RPA3: variants seen among roughly 807,000 people sequenced by gnomAD.
RPA3 encodes the protein replication protein A 14 kDa subunit.
A neutral mutation model predicts 13.7 loss-of-function variants in RPA3; 24 were observed. The observed-to-expected ratio is 1.75, with a 90% CI of 1.27 to 2.46. RPA3 has a LOEUF of 2.46. RPA3 is among the 30% of genes most tolerant of loss of function. RPA3 has a pLI of 0.00. For synonymous variants in RPA3, 59 were observed against 51.2 expected (o/e 1.15, Z -0.65); for missense variants, 183 against 151.0 (o/e 1.21, Z -1.11).
At chr7:7,707,875 A>G (rs965110493) in intron 2 of RPA3, among the ~76,000 whole-genome samples, 9 of 152,216 alleles carry the variant, frequency 5.9e-5, no homozygotes, top group African/African-American at 2.2e-4. Context: ...TGTGAGCTGT[A>G]AAACCCAAAC....
chr7:7,715,899 C>G (rs1390298536), intron 1 of RPA3, among the ~76,000 whole-genome samples: 1 of 152,174 alleles, frequency 6.6e-6, no homozygotes, highest in East Asian at 1.9e-4. Context: ...TAACCATTTA[C>G]TAAACTTTGG....
chr7:7,656,738 C>G (rs2115083372), intron 4 of RPA3, among the ~76,000 whole-genome samples: 1 of 152,222 alleles, frequency 6.6e-6, no homozygotes, highest in South Asian at 2.1e-4. Flanking sequence ...TGGTTTGGTT[C>G]CAAGTCTGCT....
chr7:7,711,067 G>T (rs1445700497), intron 2 of RPA3, among the ~76,000 whole-genome samples: 2 of 152,144 alleles, frequency 1.3e-5, no homozygotes, highest in Admixed American at 1.3e-4. Flanking sequence ...AGTGTGTGTG[G>T]CTATAGAAGG....
At chr7:7,679,733 C>CATATATAT (rs1779858897) in intron 4 of RPA3, among the ~76,000 whole-genome samples, 2 of 139,574 alleles carry the variant, frequency 1.4e-5, no homozygotes, top group African/African-American at 2.7e-5. Context: ...TATATATATA[C>CATATATAT]ACACACACAT....
At chr7:7,697,770 C>T (rs1037993773) in intron 2 of RPA3, among the ~76,000 whole-genome samples, 18 of 152,096 alleles carry the variant, frequency 1.2e-4, no homozygotes, top group African/African-American at 3.4e-4. Flanking sequence ...GTATTTTTTC[C>T]TTGTCATTAT....
At chr7:7,675,596 T>C (rs1471431910) in intron 4 of RPA3, among the ~76,000 whole-genome samples, 1 of 152,172 alleles carries the variant, frequency 6.6e-6, no homozygotes, top group Admixed American at 6.5e-5. Context: ...AACTTCCAAA[T>C]TTCGTATTTT....
At chr7:7,650,767 ATCACTCTCCATCCAGTGAT>A (rs1278584187) in intron 4 of RPA3, among the ~76,000 whole-genome samples, 1 of 152,212 alleles carries the variant, frequency 6.6e-6, no homozygotes, top group Non-Finnish European at 1.5e-5. Context: ...TATCAGACTG[ATCACTCTCCATCCAGTGAT>A]TTCCTCCGGC....
rs1336213450 is a variant in RPA3, at chr7:7,641,091, A to G, written c.-673T>C. 1 of 152,450 alleles carries G rather than the reference A, an allele frequency of 6.6e-6. No homozygotes were observed. The highest frequency in any genetic ancestry group is 2.4e-5 in the African/African-American group (1 of 41,426). 9.4% of individuals were successfully genotyped at this position (152,450 alleles called of 1,614,324 possible). On this transcript the variant is annotated 5_prime_UTR_variant, in exon 5 of 8. Transcript: ENST00000223129. Reference sequence around the variant, plus strand: ...AGCGGGGTCATCAGTGATCTTGATCACTTTCTTCAGGCTTTTGCCACTTGT... The same window carrying G: ...AGCGGGGTCATCAGTGATCTTGATCGCTTTCTTCAGGCTTTTGCCACTTGT...
chr7:7,656,314 AT>A (rs869099532), intron 4 of RPA3, among the ~76,000 whole-genome samples: 2 of 150,876 alleles, frequency 1.3e-5, no homozygotes, highest in Admixed American at 6.6e-5. Flanking sequence ...ATTTAAAAAA[AT>A]TTTTTTTTTG....
At position 7,640,497 on chromosome 7, in the gene RPA3, G is replaced by A; in HGVS notation, c.-79C>T. 1 of 1,342,496 alleles carries A rather than the reference G, an allele frequency of 7.4e-7. No homozygotes were observed. The highest frequency in any genetic ancestry group is 1.2e-5 in the South Asian group (1 of 85,374). 83.2% of individuals were successfully genotyped at this position (1,342,496 alleles called of 1,614,324 possible). On this transcript the variant is annotated 5_prime_UTR_variant, in exon 5 of 8. Transcript: ENST00000223129. ...GCGCCCCGCGGGTGTCTATGGGGCAGATTTCTCGGCACCAATCAGCGAAGA... is the reference window on the plus strand; with the variant it reads ...GCGCCCCGCGGGTGTCTATGGGGCAAATTTCTCGGCACCAATCAGCGAAGA...
intron 4 of RPA3, among the ~76,000 whole-genome samples, chr7:7,657,152 T>C (rs1278569686): frequency 6.6e-6 from 1 of 152,224 alleles, no homozygotes; most frequent in African/African-American, 2.4e-5. Context: ...TGCCCACTTT[T>C]TGATGGGGTT....
At chr7:7,685,413 G>A (rs529924430) in intron 4 of RPA3, among the ~76,000 whole-genome samples, 24 of 151,522 alleles carry the variant, frequency 1.6e-4, no homozygotes, top group African/African-American at 4.8e-4. Flanking sequence ...GGGTTCAAGC[G>A]ATTCTCCTGC....
At chr7:7,665,400 T>C (rs543293128) in intron 4 of RPA3, among the ~76,000 whole-genome samples, 1 of 152,356 alleles carries the variant, frequency 6.6e-6, no homozygotes, top group Admixed American at 6.5e-5. Context: ...AAGAAACATT[T>C]TGCTTTTTAT....
At chr7:7,683,999 A>G (rs909248195) in intron 4 of RPA3, among the ~76,000 whole-genome samples, 3 of 152,298 alleles carry the variant, frequency 2.0e-5, no homozygotes, top group African/African-American at 7.2e-5. Context: ...CCCCGCTCAT[A>G]CCAAAATCCA....
At chr7:7,641,360 T>G (rs1387473864) in intron 4 of RPA3, 185 bp from the exon 5 acceptor site, 1 of 152,204 alleles carries the variant, frequency 6.6e-6, no homozygotes, top group Non-Finnish European at 1.5e-5. Flanking sequence ...CTTAAATCGT[T>G]GTTAGACCCC....
At chr7:7,708,203 C>G (rs1247254449) in intron 2 of RPA3, among the ~76,000 whole-genome samples, 1 of 152,184 alleles carries the variant, frequency 6.6e-6, no homozygotes, top group African/African-American at 2.4e-5. Context: ...TTCTCCTTAA[C>G]TGTCTGTAAC....
chr7:7,640,263 G>C, intron 5 of RPA3, 57 bp downstream of exon 5: 1 of 1,547,802 alleles, frequency 6.5e-7, no homozygotes. Flanking sequence ...CGTTATCCAG[G>C]CGGGGTCCCT....
intron 2 of RPA3, among the ~76,000 whole-genome samples, chr7:7,710,026 G>A (rs549244585): frequency 5.3e-5 from 8 of 151,954 alleles, no homozygotes; most frequent in East Asian, 1.9e-4. Context: ...TATATAAATC[G>A]AGTCACTCAC....
At chr7:7,686,572 G>A (rs1780046021) in intron 3 of RPA3, among the ~76,000 whole-genome samples, 1 of 152,106 alleles carries the variant, frequency 6.6e-6, no homozygotes, top group Non-Finnish European at 1.5e-5. Flanking sequence ...ATACTCATAC[G>A]AGGTTGACAG....
Sources: gnomAD v4.1 joint callset for allele counts (sites outside exome capture counted in the v4.1 genomes callset) on GRCh38, gnomAD v4.1.1 for gene constraint, MANE v1.5 for transcripts, NCBI Gene and HGNC (gene_info 2026-07-23, HGNC 2026-07-21) for gene names.